Variants in SMIM35 observed in about 807,000 individuals in gnomAD.
SMIM35 encodes TMPRSS4 antisense RNA 1 (non-protein coding).
At chr11:118,007,480 C>T (rs1238595650) in intron 4 of SMIM35, among the ~76,000 whole-genome samples, 1 of 152,150 alleles carries the variant, frequency 6.6e-6, no homozygotes, top group Non-Finnish European at 1.5e-5. Flanking sequence ...ACTGCAACCT[C>T]TGCCTCCTGG....
chr11:118,021,433 A>G (rs937595478), intron 1 of SMIM35, among the ~76,000 whole-genome samples: 1 of 152,040 alleles, frequency 6.6e-6, no homozygotes, highest in Non-Finnish European at 1.5e-5. Flanking sequence ...TCATTTCCAT[A>G]ATTTTAACTT....
chr11:118,013,323 C>T (rs919178854), intron 4 of SMIM35, among the ~76,000 whole-genome samples: 3 of 152,160 alleles, frequency 2.0e-5, no homozygotes, highest in Non-Finnish European at 2.9e-5. Context: ...GGCAAGGGAA[C>T]GTGTGGCCAG....
intron 1 of SMIM35, among the ~76,000 whole-genome samples, chr11:118,039,496 G>T (rs2135075420): frequency 6.6e-6 from 1 of 152,140 alleles, no homozygotes; most frequent in East Asian, 1.9e-4. Context: ...GATCATTTGA[G>T]CCCAGGAGTT....
chr11:118,029,617 A>G (rs1227356033), intron 1 of SMIM35: 2 of 456,870 alleles, frequency 4.4e-6, no homozygotes, highest in East Asian at 1.4e-4. Context: ...CACTGTCAGC[A>G]TCACCCAGTG....
At chr11:118,009,617 C>G (rs1177049857) in intron 4 of SMIM35, among the ~76,000 whole-genome samples, 1 of 151,914 alleles carries the variant, frequency 6.6e-6, no homozygotes, top group Middle Eastern at 3.2e-3. Context: ...ACTGCCATCT[C>G]CTAAATTAGA....
intron 1 of SMIM35, among the ~76,000 whole-genome samples, chr11:118,064,500 C>G (rs1944438428): frequency 6.6e-6 from 1 of 152,200 alleles, no homozygotes; most frequent in Admixed American, 6.5e-5. Flanking sequence ...CCCAGGCTGG[C>G]TTCAAATTCC....
At chr11:118,009,908 T>C (rs149324399) in intron 4 of SMIM35, among the ~76,000 whole-genome samples, 28 of 152,282 alleles carry the variant, frequency 1.8e-4, no homozygotes, top group African/African-American at 6.0e-4. Flanking sequence ...GACCTTATAC[T>C]ACATTCAGTT....
chr11:118,051,835 C>G (rs1944219962), intron 1 of SMIM35, among the ~76,000 whole-genome samples: 1 of 148,100 alleles, frequency 6.8e-6, no homozygotes, highest in South Asian at 2.1e-4. Flanking sequence ...GATACTAATA[C>G]TAATACTAAT....
rs547540011 is a variant in SMIM35, at chr11:118,073,928, A to G, written c.7+12823T>C. ...TAGAAAACAAACAACAAAGTTTTTT[A>G]AAGTGCTGCTGACACCTCTCAGAAT... On this transcript the variant is annotated intron_variant, in intron 1 of 4. Coordinates refer to ENST00000689828, the MANE Select transcript of SMIM35 (RefSeq NM_001394165.1). Among the ~76,000 whole-genome samples the G allele has an allele frequency of 1.1e-4, 16 of 152,370 alleles. No homozygotes were observed. In the East Asian group the frequency reaches 3.1e-3, roughly 29 times the overall value.
At chr11:118,050,816 G>T (rs767178374) in intron 1 of SMIM35, among the ~76,000 whole-genome samples, 1 of 152,164 alleles carries the variant, frequency 6.6e-6, no homozygotes, top group Non-Finnish European at 1.5e-5. Flanking sequence ...TCTCTCCTTT[G>T]TCACCTCTGC....
chr11:118,047,976 A>G (rs1944129072), intron 1 of SMIM35, among the ~76,000 whole-genome samples: 1 of 152,202 alleles, frequency 6.6e-6, no homozygotes, highest in African/African-American at 2.4e-5. Context: ...TCTGGGGCTC[A>G]GATGGAACCT....
At chr11:118,075,600 C>T (rs1237183017) in intron 1 of SMIM35, among the ~76,000 whole-genome samples, 3 of 150,480 alleles carry the variant, frequency 2.0e-5, no homozygotes, top group Non-Finnish European at 3.0e-5. Context: ...GCTATAGTTT[C>T]CTCAGCTGAC....
At chr11:118,055,695 C>CT (rs1339705560) in intron 1 of SMIM35, among the ~76,000 whole-genome samples, 1 of 152,196 alleles carries the variant, frequency 6.6e-6, no homozygotes, top group Non-Finnish European at 1.5e-5. Flanking sequence ...TACAAAACAC[C>CT]ACCCAATAGC....
chr11:118,060,011 C>T (rs1352772536), intron 1 of SMIM35, among the ~76,000 whole-genome samples: 3 of 152,222 alleles, frequency 2.0e-5, no homozygotes, highest in Non-Finnish European at 2.9e-5. Context: ...GGCTGTACTG[C>T]CCTGGCAGAC....
chr11:118,060,886 T>G (rs945401855), intron 1 of SMIM35, among the ~76,000 whole-genome samples: 2 of 152,168 alleles, frequency 1.3e-5, no homozygotes, highest in Non-Finnish European at 2.9e-5. Flanking sequence ...CCTGGCCCCC[T>G]TTTAATTTTC....
At chr11:118,058,517 C>T (rs906507950) in intron 1 of SMIM35, among the ~76,000 whole-genome samples, 22 of 152,174 alleles carry the variant, frequency 1.4e-4, no homozygotes, top group Middle Eastern at 3.4e-3. Context: ...GAATGGGGTG[C>T]GAAACCACAG....
rs761947227 is a variant in SMIM35 at position 118,005,871 on chromosome 11, G to A, written c.*539C>T. The A allele has an allele frequency of 6.6e-6, 1 of 152,348 alleles. No homozygotes were observed. Among genetic ancestry groups the A allele is most frequent in the Non-Finnish European group, 1.5e-5 (1 of 68,140 alleles). The allele number at this position is 152,348 out of a possible 1,614,324, so 9.4% of individuals were successfully genotyped here. A position where few individuals can be genotyped will look rare whatever the true frequency, so the allele number is the denominator to read the frequency against. ...AGCTGCATGGGCTCCCCCAGAACTG[G>A]AGGAGCTGGGCAGTAAGCAGATGGC... On this transcript the variant is annotated 3_prime_UTR_variant, in exon 5 of 5. Coordinates refer to ENST00000689828, the MANE Select transcript of SMIM35 (RefSeq NM_001394165.1).
intron 1 of SMIM35, among the ~76,000 whole-genome samples, chr11:118,046,281 C>G (rs549952198): frequency 6.6e-6 from 1 of 152,288 alleles, no homozygotes; most frequent in Non-Finnish European, 1.5e-5. Context: ...TGACATAAAA[C>G]AAGGCTCAGA....
chr11:118,013,193 A>G (rs1475365417), intron 4 of SMIM35, among the ~76,000 whole-genome samples: 1 of 152,224 alleles, frequency 6.6e-6, no homozygotes, highest in Non-Finnish European at 1.5e-5. Flanking sequence ...CAGGCCTTGA[A>G]GATCCGAGGG....
Sources: gnomAD v4.1 joint callset for allele counts (sites outside exome capture counted in the v4.1 genomes callset) on GRCh38, gnomAD v4.1.1 for gene constraint, MANE v1.5 for transcripts, NCBI Gene and HGNC (gene_info 2026-07-23, HGNC 2026-07-21) for gene names.